The following TMC1 variants were observed in gnomAD, a reference collection of about 807,000 sequenced individuals.
TMC1 encodes transmembrane channel like 1.
In TMC1, 84 loss-of-function variants were observed where a neutral mutation model predicts 105.8. The ratio of observed to expected loss-of-function variants is 0.79; its 90% confidence interval spans 0.67 to 0.95. The LOEUF is 0.95. Among genes scored for constraint, TMC1 ranks in the 40% least tolerant of loss-of-function variants. The pLI is 0.00. For missense variants in TMC1, 817 were observed against 914.1 expected, an observed-to-expected ratio of 0.89 and a Z score of 1.37; for synonymous variants, 315 against 311.5, an observed-to-expected ratio of 1.01 and a Z score of -0.12.
intron 2 of TMC1, among the ~76,000 whole-genome samples, chr9:72,593,560 T>TG (rs1017425908): frequency 8.0e-5 from 6 of 74,990 alleles, no homozygotes; most frequent in African/African-American, 3.4e-4. Context: ...ACCTGGCTAA[T>TG]TTCGTATTTT....
chr9:72,611,567 G>A (rs1360482712), intron 2 of TMC1, among the ~76,000 whole-genome samples: 2 of 152,152 alleles, frequency 1.3e-5, no homozygotes, highest in Admixed American at 6.5e-5. Context: ...TTGCAGCTTG[G>A]GGGCATGAGC....
chr9:72,601,338 T>C (rs1313211648), intron 2 of TMC1, among the ~76,000 whole-genome samples: 1 of 151,744 alleles, frequency 6.6e-6, no homozygotes, highest in Non-Finnish European at 1.5e-5. Flanking sequence ...AGACCCTGTC[T>C]CTACAAAAAA....
intron 10 of TMC1, among the ~76,000 whole-genome samples, chr9:72,751,303 C>A (rs1398793395): frequency 6.6e-6 from 1 of 152,166 alleles, no homozygotes; most frequent in African/African-American, 2.4e-5. Flanking sequence ...AGCTTTTATA[C>A]CATCCCTGTA....
At chr9:72,797,783 A>G (rs1290037457) in intron 17 of TMC1, among the ~76,000 whole-genome samples, 2 of 152,234 alleles carry the variant, frequency 1.3e-5, no homozygotes, top group Admixed American at 6.5e-5. Context: ...AAATCTAGGC[A>G]ATATCATTCA....
chr9:72,547,268 C>T (rs1823786499), intron 1 of TMC1, among the ~76,000 whole-genome samples: 1 of 129,446 alleles, frequency 7.7e-6, no homozygotes, highest in Admixed American at 9.0e-5. Context: ...GCCTGGGCAA[C>T]AGAGCGAGAC....
intron 3 of TMC1, among the ~76,000 whole-genome samples, chr9:72,625,547 G>A (rs936216748): frequency 4.6e-5 from 7 of 152,040 alleles, no homozygotes; most frequent in Non-Finnish European, 1.5e-5. Flanking sequence ...AATTAGCCGG[G>A]CGTGGTGGCG....
intron 5 of TMC1, among the ~76,000 whole-genome samples, chr9:72,680,434 G>A (rs1401769465): frequency 1.3e-5 from 2 of 151,976 alleles, no homozygotes; most frequent in Non-Finnish European, 2.9e-5. Flanking sequence ...CGGTTAGGTA[G>A]CAAGTCCTAT....
intron 8 of TMC1, among the ~76,000 whole-genome samples, chr9:72,727,537 G>A (rs1588052615): frequency 6.6e-6 from 1 of 152,134 alleles, no homozygotes; most frequent in Non-Finnish European, 1.5e-5. Flanking sequence ...TATAATTTCA[G>A]TGCTATTTCT....
chr9:72,802,254 T>TACAC (rs920749988), intron 17 of TMC1, among the ~76,000 whole-genome samples: 12 of 149,160 alleles, frequency 8.0e-5, no homozygotes, highest in Admixed American at 5.3e-4. Context: ...TACATACATA[T>TACAC]ATACATACAT....
chr9:72,835,739 A>G lies in TMC1; in HGVS notation c.2261-212A>G, dbSNP rs115418614. 4.1e-3 allele frequency among the ~76,000 whole-genome samples: 600 copies of G among 147,000 alleles called. 5 individuals are homozygous for G. The highest frequency in any genetic ancestry group is 0.014 in the African/African-American group (550 of 40,116). On this transcript the variant is annotated intron_variant, in intron 23 of 23. Transcript: ENST00000297784. Reference sequence around the variant, plus strand: ...ATTCTGCCTTGTTTAGAATATGTGAAGCCTTTGCAAACTAAGAAACATGGA... The same window carrying G: ...ATTCTGCCTTGTTTAGAATATGTGAGGCCTTTGCAAACTAAGAAACATGGA...
chr9:72,725,325 G>GTATATATATATATATATATATA (rs57562145), intron 8 of TMC1, among the ~76,000 whole-genome samples: 2 of 77,684 alleles, frequency 2.6e-5, no homozygotes, highest in Non-Finnish European at 5.6e-5. Flanking sequence ...ATGTGTGTAT[G>GTATATATATATATATATATATA]TATATATATA....
chr9:72,804,495 T>C (rs1453807958), intron 17 of TMC1, among the ~76,000 whole-genome samples: 3 of 152,368 alleles, frequency 2.0e-5, no homozygotes, highest in Non-Finnish European at 2.9e-5. Context: ...GCTTACAATA[T>C]ACCATTGTGC....
At chr9:72,769,566 G>A (rs1376124753) in intron 12 of TMC1, among the ~76,000 whole-genome samples, 1 of 152,206 alleles carries the variant, frequency 6.6e-6, no homozygotes, top group Non-Finnish European at 1.5e-5. Context: ...CTAGAGTGAG[G>A]CAGTGGAGGG....
At chr9:72,649,997 TTTA>T (rs1825774252) in intron 5 of TMC1, among the ~76,000 whole-genome samples, 1 of 152,238 alleles carries the variant, frequency 6.6e-6, no homozygotes, top group African/African-American at 2.4e-5. Context: ...TTATTTATCA[TTTA>T]TTAACCTTAT....
At chr9:72,565,708 C>T (rs964675225) in intron 1 of TMC1, among the ~76,000 whole-genome samples, 1 of 152,102 alleles carries the variant, frequency 6.6e-6, no homozygotes, top group African/African-American at 2.4e-5. Context: ...GTGGAGGCCT[C>T]ACAATCATGG....
At chr9:72,748,747 A>T (rs72733058) in intron 10 of TMC1, among the ~76,000 whole-genome samples, 6,135 of 152,146 alleles carry the variant, frequency 0.04, 184 homozygotes, top group Non-Finnish European at 0.062. Flanking sequence ...AGACAGGAAA[A>T]ACTGGAGTTT....
chr9:72,708,697 A>C (rs1041059058), intron 8 of TMC1, among the ~76,000 whole-genome samples: 1 of 152,094 alleles, frequency 6.6e-6, no homozygotes, highest in Non-Finnish European at 1.5e-5. Context: ...TGGGTATATG[A>C]TCACATCATC....
At chr9:72,748,635 T>C (rs1588063648) in intron 10 of TMC1, among the ~76,000 whole-genome samples, 1 of 152,214 alleles carries the variant, frequency 6.6e-6, no homozygotes, top group Admixed American at 6.5e-5. Flanking sequence ...CAGGCATTTC[T>C]TTTTAGTGAA....
chr9:72,553,543 AC>A (rs1200925647), intron 1 of TMC1, among the ~76,000 whole-genome samples: 1 of 152,232 alleles, frequency 6.6e-6, no homozygotes, highest in African/African-American at 2.4e-5. Flanking sequence ...AAAGCATGAC[AC>A]AGAAGAGAAA....
Sources: allele counts gnomAD v4.1 joint callset (sites outside exome capture counted in the v4.1 genomes callset), GRCh38; gene constraint gnomAD v4.1.1; transcripts MANE v1.5; gene names NCBI Gene and HGNC (gene_info 2026-07-23, HGNC 2026-07-21).